Variants in SLC35F3 observed in about 807,000 individuals in gnomAD.
SLC35F3 encodes solute carrier family 35 member F3, also known as putative thiamine transporter SLC35F3.
A neutral mutation model predicts 49.9 loss-of-function variants in SLC35F3; 25 were observed. The observed-to-expected ratio is 0.50, with a 90% CI of 0.37 to 0.70. The LOEUF (loss-of-function observed/expected upper bound fraction) is 0.70. SLC35F3 is among the 30% of genes least tolerant of loss of function. The probability of loss-of-function intolerance (pLI) is 0.00; values close to 1 mark genes in which losing one functional copy is unlikely to be tolerated. For synonymous variants in SLC35F3, 275 were observed against 265.4 expected (o/e 1.04, Z -0.35); for missense variants, 525 against 639.8 (o/e 0.82, Z 1.94).
At chr1:234,180,195 G>A (rs1209582139) in intron 2 of SLC35F3, among the ~76,000 whole-genome samples, 3 of 152,158 alleles carry the variant, frequency 2.0e-5, no homozygotes, top group Admixed American at 6.5e-5. Context: ...CCACTGTGGG[G>A]CTCTCTGACT....
chr1:234,234,611 G>T (rs1667434436), intron 3 of SLC35F3, among the ~76,000 whole-genome samples: 1 of 151,820 alleles, frequency 6.6e-6, no homozygotes, highest in African/African-American at 2.4e-5. Flanking sequence ...TTTTTTAAAT[G>T]CTGCTGATTT....
intron 2 of SLC35F3, among the ~76,000 whole-genome samples, chr1:233,944,408 A>T (rs2102800891): frequency 6.6e-6 from 1 of 152,274 alleles, no homozygotes; most frequent in African/African-American, 2.4e-5. Flanking sequence ...CCAAGTTTTG[A>T]TGTGTAGTGC....
intron 2 of SLC35F3, among the ~76,000 whole-genome samples, chr1:234,123,172 G>A (rs919550895): frequency 1.3e-5 from 2 of 152,186 alleles, no homozygotes; most frequent in African/African-American, 2.4e-5. Flanking sequence ...TGACTGGAGT[G>A]AGAGGGTATC....
chr1:234,092,356 G>T lies in SLC35F3; in HGVS notation c.284-139061G>T, dbSNP rs192976746. Among the ~76,000 whole-genome samples, 115 of 152,154 alleles carry T rather than the reference G, an allele frequency of 7.6e-4. No homozygotes were observed. In the East Asian group the frequency reaches 0.013, roughly 17 times the overall value. On this transcript the variant is annotated intron_variant, in intron 2 of 7. Transcript: ENST00000366618. Reference sequence around the variant, plus strand: ...TCCTTTCTCTCTTCCATTCCCTCAGGAGTTCTCTTAGACCAGGCTGTTATA... The same window carrying T: ...TCCTTTCTCTCTTCCATTCCCTCAGTAGTTCTCTTAGACCAGGCTGTTATA...
intron 2 of SLC35F3, among the ~76,000 whole-genome samples, chr1:233,980,770 C>T (rs1663169645): frequency 1.3e-5 from 2 of 152,146 alleles, no homozygotes; most frequent in Non-Finnish European, 2.9e-5. Flanking sequence ...GAGCTCCCTT[C>T]ACATCGTACT....
At chr1:233,933,029 T>G (rs1221615967) in intron 2 of SLC35F3, among the ~76,000 whole-genome samples, 4 of 82,306 alleles carry the variant, frequency 4.9e-5, no homozygotes, top group Non-Finnish European at 7.5e-5. Context: ...TTTTGGGCTA[T>G]TTAAGTAAAA....
At chr1:233,976,681 G>T (rs1663088312) in intron 2 of SLC35F3, among the ~76,000 whole-genome samples, 1 of 151,984 alleles carries the variant, frequency 6.6e-6, no homozygotes, top group African/African-American at 2.4e-5. Flanking sequence ...CACCATCTCA[G>T]CTCACTGCAA....
chr1:234,232,519 CAAAAAAAAAAAAAAAAAAAAAGAAAA>C (rs1335260031), intron 3 of SLC35F3, among the ~76,000 whole-genome samples: 1 of 72,362 alleles, frequency 1.4e-5, no homozygotes, highest in African/African-American at 5.5e-5. Context: ...CAGGCCTAGT[CAAAAAAAAAAAAAAAAAAAAAGAAAA>C]AGAAAAAAAG....
Position 234,132,909 on chromosome 1 carries a change from A to C in SLC35F3, c.284-98508A>C, listed in dbSNP as rs146103161. Among the ~76,000 whole-genome samples the C allele has an allele frequency of 4.6e-5, 7 of 152,338 alleles. No individual in the cohort carries two copies. In the East Asian group the frequency reaches 1.4e-3, roughly 29 times the overall value. On this transcript the variant is annotated intron_variant, in intron 2 of 7. Coordinates refer to ENST00000366618, the MANE Select transcript of SLC35F3 (RefSeq NM_173508.4). ...CAGAAACAGCAGCTAACAACTATTGAGTGCTGACTCTGTGCTGGACACTGT... is the reference window on the plus strand; with the variant it reads ...CAGAAACAGCAGCTAACAACTATTGCGTGCTGACTCTGTGCTGGACACTGT...
chr1:234,056,939 A>G (rs1472856650), intron 2 of SLC35F3, among the ~76,000 whole-genome samples: 2 of 152,310 alleles, frequency 1.3e-5, no homozygotes, highest in South Asian at 2.1e-4. Context: ...ATTGTATGGT[A>G]TTGGCAACTT....
In SLC35F3 at chr1:234,001,133, T is replaced by C. The variant is rs1279871785; in HGVS notation, c.283+95375T>C. On this transcript the variant is annotated intron_variant, in intron 2 of 7. Coordinates refer to ENST00000366618, the MANE Select transcript of SLC35F3 (RefSeq NM_173508.4). ...CTTTTTTTGTGTGAGGGATGATGCC[T>C]ATGGCTGGCCTGCTGGACCAAGATG... Among the ~76,000 whole-genome samples, 6 of 152,222 alleles carry C rather than the reference T, an allele frequency of 3.9e-5. No homozygotes were observed. In the East Asian group the frequency reaches 9.6e-4, roughly 24 times the overall value.
rs1667372604 is a variant in SLC35F3 at position 234,231,469 on chromosome 1, C to T, written c.336C>T (p.Ala112=). ...GCCCGGCGGAGGCCCAGGCACCGGC[C>T]GGGGTGGAGGCCGGCGGGAGAGCGA... ...SPGPAEAQAP[A]GVEAGGRASR... Residue 112 remains alanine, a synonymous_variant, in exon 3 of 8, where the codon GCC becomes GCT. Transcript: ENST00000366618. The surrounding 1 kb of genome is among the most constrained non-coding windows in gnomAD (Gnocchi z 5.4). 6.2e-7 allele frequency: 1 copy of T among 1,611,016 alleles called. No individual in the cohort carries two copies. Among genetic ancestry groups the T allele is most frequent in the Non-Finnish European group, 8.5e-7 (1 of 1,178,432 alleles).
At chr1:234,062,761 G>C (rs1664561515) in intron 2 of SLC35F3, among the ~76,000 whole-genome samples, 1 of 150,902 alleles carries the variant, frequency 6.6e-6, no homozygotes. Flanking sequence ...TTCCCTGCAA[G>C]CTCTGCCCCC....
At chr1:233,972,168 G>A (rs544722169) in intron 2 of SLC35F3, among the ~76,000 whole-genome samples, 1 of 152,352 alleles carries the variant, frequency 6.6e-6, no homozygotes, top group Non-Finnish European at 1.5e-5. Context: ...AGAACAGCGT[G>A]GTGGATTGTT....
At chr1:234,288,258 G>A (rs754259691) in intron 3 of SLC35F3, among the ~76,000 whole-genome samples, 1 of 152,070 alleles carries the variant, frequency 6.6e-6, no homozygotes, top group Non-Finnish European at 1.5e-5. Flanking sequence ...CCTCCCCGCC[G>A]CCACTTTCCC....
chr1:234,261,285 C>T (rs551874081), intron 3 of SLC35F3, among the ~76,000 whole-genome samples: 2 of 152,216 alleles, frequency 1.3e-5, no homozygotes, highest in African/African-American at 4.8e-5. Flanking sequence ...GCAGAGAAGC[C>T]CTAAGGGCTG....
At chr1:234,321,168 G>A (rs541750091) in intron 7 of SLC35F3, among the ~76,000 whole-genome samples, 8 of 151,924 alleles carry the variant, frequency 5.3e-5, no homozygotes, top group Non-Finnish European at 7.4e-5. Flanking sequence ...TTCCAAAGGC[G>A]CTCGACCTCT....
chr1:234,091,292 C>T (rs1163404502), intron 2 of SLC35F3, among the ~76,000 whole-genome samples: 1 of 152,202 alleles, frequency 6.6e-6, no homozygotes, highest in Non-Finnish European at 1.5e-5. Flanking sequence ...TTCTCCAGCC[C>T]TGCTGTCTGT....
At chr1:234,186,260 G>A (rs895417482) in intron 2 of SLC35F3, among the ~76,000 whole-genome samples, 11 of 152,132 alleles carry the variant, frequency 7.2e-5, no homozygotes, top group Admixed American at 7.2e-4. Context: ...AGTGGGCTCC[G>A]CTCTGCTGAG....
Sources: gnomAD v4.1 joint callset for allele counts (sites outside exome capture counted in the v4.1 genomes callset) on GRCh38, gnomAD v4.1.1 for gene constraint, Gnocchi (gnomAD v3.1) non-coding constraint, MANE v1.5 for transcripts, NCBI Gene and HGNC (gene_info 2026-07-23, HGNC 2026-07-21) for gene names.